MRPL39: variants seen among roughly 807,000 people sequenced by gnomAD.
MRPL39 encodes large ribosomal subunit protein mL39.
A neutral mutation model predicts 44.5 loss-of-function variants in MRPL39; 35 were observed. The ratio of observed to expected loss-of-function variants is 0.79; its 90% confidence interval spans 0.60 to 1.04. The LOEUF (loss-of-function observed/expected upper bound fraction) is 1.04, where lower values mean the gene tolerates loss of function less well. MRPL39 is among the 50% of genes least tolerant of loss of function. The pLI, the probability that MRPL39 is intolerant of heterozygous loss-of-function variation, is 0.00. For synonymous variants in MRPL39, 139 were observed against 136.1 expected (o/e 1.02, Z -0.15); for missense variants, 433 against 413.5 (o/e 1.05, Z -0.41).
At position 25,603,803 on chromosome 21, in the gene MRPL39, A is replaced by T. The variant is rs377561797; in HGVS notation, c.413T>A (p.Val138Glu). ...LTFKDCDPGE[V>E]NKAYWRSCAM... ...ATGTAGAGATAGAAATACCTTATTCACTTCTCCTGGATCACAATCTTTGAA... is the reference window on the plus strand; with the variant it reads ...ATGTAGAGATAGAAATACCTTATTCTCTTCTCCTGGATCACAATCTTTGAA... The change falls in exon 3 of 10, where the codon GTG becomes GAG. Residue 138 changes from valine to glutamate, a missense_variant. By Grantham distance (121) the Val-to-Glu change is moderately radical (BLOSUM62 -2). Transcript: ENST00000352957. The T allele has an allele frequency of 6.2e-7, 1 of 1,606,356 alleles. No homozygotes were observed. The highest frequency in any genetic ancestry group is 8.5e-7 in the Non-Finnish European group (1 of 1,177,362).
chr21:25,600,966 G>C (rs1019453483), intron 4 of MRPL39, among the ~76,000 whole-genome samples: 2 of 152,146 alleles, frequency 1.3e-5, no homozygotes, highest in African/African-American at 4.8e-5. Flanking sequence ...AAATTAGCCA[G>C]GCGTGGTGGC....
chr21:25,600,252 C>T (rs1281988395), intron 4 of MRPL39, among the ~76,000 whole-genome samples: 3 of 151,802 alleles, frequency 2.0e-5, no homozygotes, highest in Non-Finnish European at 4.4e-5. Flanking sequence ...AAAAATTAGC[C>T]GGGCTTGGTG....
rs755392472 is a variant in MRPL39, at chr21:25,601,388, A to C, written c.500T>G (p.Val167Gly). 6.2e-7 allele frequency: 1 copy of C among 1,610,486 alleles called. No individual in the cohort carries two copies. Among genetic ancestry groups the C allele is most frequent in the South Asian group, 1.1e-5 (1 of 90,618 alleles). The change falls in exon 4 of 10, where the codon GTC (valine) becomes GGC (glycine). Residue 167 changes from valine to glycine, a missense_variant. Transcript: ENST00000352957. ...AFKDEYMVNL[V>G]RAPEVPVISG... ...ACTACCAGGAACTTCTGGAGCTCTGACCAAATTGACCATATATTCATCTTT... is the reference window on the plus strand; with the variant it reads ...ACTACCAGGAACTTCTGGAGCTCTGCCCAAATTGACCATATATTCATCTTT...
chr21:25,592,687 A>G (rs1466715840), intron 8 of MRPL39, 125 bp downstream of exon 8: 1 of 669,198 alleles, frequency 1.5e-6, no homozygotes, highest in African/African-American at 1.9e-5. Context: ...CTGAGTTTAT[A>G]AAATATTAGT....
Position 25,606,477 on chromosome 21 carries a change from G to A in MRPL39, c.252C>T (p.Asn84=). ...TGGCACAACTGTAGGGAGTTGAAATGTTTTTATTCATCACGAAGACAGTAC... is the reference window on the plus strand; with the variant it reads ...TGGCACAACTGTAGGGAGTTGAAATATTTTTATTCATCACGAAGACAGTAC... ...DPGTVFVMNK[N]ISTPYSCAMH... Residue 84 remains asparagine (N), a synonymous_variant, in exon 2 of 10, where the codon AAC becomes AAT. Coordinates refer to ENST00000352957, the MANE Select transcript of MRPL39 (RefSeq NM_017446.4). 1.2e-6 allele frequency: 2 copies of A among 1,611,828 alleles called. No homozygotes were observed. Among genetic ancestry groups the A allele is most frequent in the Non-Finnish European group, 1.7e-6 (2 of 1,178,966 alleles).
At chr21:25,607,602 G>T (rs2031734999), upstream of MRPL39, 3 of 925,690 alleles carry the variant, frequency 3.2e-6, no homozygotes, top group Non-Finnish European at 3.2e-6. Flanking sequence ...CGCCTCCACC[G>T]GGGGGCGTCA....
intron 4 of MRPL39, among the ~76,000 whole-genome samples, chr21:25,600,874 G>A (rs895625163): frequency 3.9e-5 from 6 of 152,174 alleles, no homozygotes; most frequent in Non-Finnish European, 8.8e-5. Flanking sequence ...TTGGGAGGCC[G>A]AGGCAGGCAG....
chr21:25,590,129 A>G (rs2031126014), intron 8 of MRPL39, among the ~76,000 whole-genome samples: 1 of 152,234 alleles, frequency 6.6e-6, no homozygotes, highest in Non-Finnish European at 1.5e-5. Flanking sequence ...AGGAACTTGG[A>G]TAAGGGAAGT....
rs183454177 is a variant in MRPL39, at chr21:25,586,693, T to A, written c.970-939A>T. On this transcript the variant is annotated intron_variant, in intron 9 of 9. Coordinates refer to ENST00000352957, the MANE Select transcript of MRPL39 (RefSeq NM_017446.4). ...AATTCATCTTACATTCATCATGTTC[T>A]CTATGTAGGCAAGTGACTTCCTCTG... Among the ~76,000 whole-genome samples the A allele has an allele frequency of 3.3e-5, 5 of 152,352 alleles. No homozygotes were observed. The East Asian group carries it at 9.6e-4, about 29-fold the overall frequency.
At chr21:25,603,247 G>T (rs967497386) in intron 3 of MRPL39, among the ~76,000 whole-genome samples, 2 of 152,122 alleles carry the variant, frequency 1.3e-5, no homozygotes, top group Non-Finnish European at 2.9e-5. Flanking sequence ...GAAAGAAGCA[G>T]GGGGGAGGCC....
At chr21:25,592,745 A>T (rs1264220249) in intron 8 of MRPL39, 67 bp downstream of exon 8, 4 of 1,232,598 alleles carry the variant, frequency 3.2e-6, no homozygotes, top group Admixed American at 5.1e-5. Flanking sequence ...TCAAACTGGT[A>T]TAAAATCAAG....
intron 9 of MRPL39, among the ~76,000 whole-genome samples, chr21:25,586,635 C>CTT (rs1052952269): frequency 4.6e-5 from 7 of 152,200 alleles, no homozygotes; most frequent in Non-Finnish European, 7.3e-5. Flanking sequence ...TGGACTGACT[C>CTT]TTTACCTATC....
chr21:25,594,243 T>TTTTTAC lies in MRPL39; in HGVS notation c.702-286_702-285insGTAAAA, dbSNP rs1568862201. Among the ~76,000 whole-genome samples, 10 of 46,660 alleles carry TTTTTAC rather than the reference T, an allele frequency of 2.1e-4. 4 individuals are homozygous for TTTTTAC. In the South Asian group the frequency reaches 2.3e-3, roughly 11 times the overall value. 30.6% of individuals were successfully genotyped at this position (46,660 alleles called of 152,430 possible). A position where few individuals can be genotyped will look rare whatever the true frequency, so the allele number is the denominator to read the frequency against. On this transcript the variant is annotated intron_variant, in intron 6 of 9. Coordinates refer to ENST00000352957, the MANE Select transcript of MRPL39 (RefSeq NM_017446.4). Reference sequence around the variant, plus strand: ...TGTTCTTTCTTTCCATTTTTATTTCTTTGTTCTTTTTTTTTTTTTTTTTTT... The same window carrying TTTTTAC: ...TGTTCTTTCTTTCCATTTTTATTTCTTTTTACTTGTTCTTTTTTTTTTTTTTTTTTT...
intron 8 of MRPL39, 60 bp from the exon 9 acceptor site, chr21:25,588,942 C>T: frequency 1.4e-6 from 2 of 1,402,936 alleles, no homozygotes; most frequent in Non-Finnish European, 2.0e-6. Flanking sequence ...GTAAAAAGGA[C>T]AGAGTCTTTA....
At position 25,594,253 on chromosome 21, in the gene MRPL39, T is replaced by TAC. The variant is rs1568862254; in HGVS notation, c.702-296_702-295insGT. On this transcript the variant is annotated intron_variant, in intron 6 of 9. Coordinates refer to ENST00000352957, the MANE Select transcript of MRPL39 (RefSeq NM_017446.4). The stretch of plus-strand genomic sequence containing the variant: ...TTCCATTTTTATTTCTTTGTTCTTT[T>TAC]TTTTTTTTTTTTTTTTGAGGCAGGG... Among the ~76,000 whole-genome samples the TAC allele has an allele frequency of 1.6e-4, 23 of 144,948 alleles. 7 individuals carry two copies. The highest frequency in any genetic ancestry group is 2.1e-4 in the Non-Finnish European group (14 of 65,810).
chr21:25,593,366 C>T (rs2031243620), intron 7 of MRPL39, among the ~76,000 whole-genome samples: 1 of 152,108 alleles, frequency 6.6e-6, no homozygotes, highest in Non-Finnish European at 1.5e-5. Context: ...AAGTGAAGTC[C>T]AATTCATAAA....
intron 7 of MRPL39, 109 bp downstream of exon 7, chr21:25,593,784 G>A: frequency 1.1e-6 from 1 of 916,436 alleles, no homozygotes; most frequent in East Asian, 2.5e-5. Flanking sequence ...AAGGTAATAA[G>A]AACAAAATAA....
chr21:25,607,486 A>G, upstream of MRPL39: 4 of 1,609,900 alleles, frequency 2.5e-6, no homozygotes, highest in Non-Finnish European at 3.4e-6. Flanking sequence ...AGCAGCGGTG[A>G]GAACCGTCGC....
chr21:25,593,308 TG>T (rs1282855999), intron 7 of MRPL39, among the ~76,000 whole-genome samples: 1 of 152,216 alleles, frequency 6.6e-6, no homozygotes, highest in Non-Finnish European at 1.5e-5. Flanking sequence ...GAATTCAGTG[TG>T]TAGGACAGAT....
Sources: gnomAD v4.1 joint callset for allele counts (sites outside exome capture counted in the v4.1 genomes callset) on GRCh38, gnomAD v4.1.1 for gene constraint, MANE v1.5 for transcripts, NCBI Gene and HGNC (gene_info 2026-07-23, HGNC 2026-07-21) for gene names.